Variants in SCN2A observed in about 807,000 individuals in gnomAD.
SCN2A encodes sodium voltage-gated channel alpha subunit 2, also known as sodium channel protein type 2 subunit alpha.
Under a neutral mutation model 188.7 loss-of-function variants are expected in SCN2A, and 20 were observed. That is an observed-to-expected ratio of 0.11 (90% CI 0.07 to 0.15). SCN2A has a LOEUF of 0.15. SCN2A is among the 10% of genes least tolerant of loss of function. The pLI is 1.00. For missense variants in SCN2A, 1,278 were observed against 2,445.0 expected (o/e 0.52, Z 10.07); for synonymous variants, 804 against 833.1 (o/e 0.97, Z 0.60).
intron 1 of SCN2A, among the ~76,000 whole-genome samples, chr2:165,258,476 C>T (rs1694427034): frequency 6.6e-6 from 1 of 152,192 alleles, no homozygotes; most frequent in African/African-American, 2.4e-5. Flanking sequence ...TGCTTATACA[C>T]TGTTGGTGGG....
At chr2:165,257,785 C>G (rs957803457) in intron 1 of SCN2A, among the ~76,000 whole-genome samples, 1 of 151,982 alleles carries the variant, frequency 6.6e-6, no homozygotes, top group African/African-American at 2.4e-5. Context: ...TGATCCACCC[C>G]CCTCGGCCTT....
intron 22 of SCN2A, among the ~76,000 whole-genome samples, chr2:165,376,146 A>T: frequency 6.6e-6 from 1 of 151,894 alleles, no homozygotes; most frequent in Non-Finnish European, 1.5e-5. Context: ...TATAGTTAAT[A>T]ATAATATATT....
chr2:165,325,477 T>G (rs888587128), intron 12 of SCN2A, among the ~76,000 whole-genome samples: 12 of 152,220 alleles, frequency 7.9e-5, no homozygotes, highest in African/African-American at 2.9e-4. Context: ...ATGACACCCT[T>G]GAAAGCACAT....
chr2:165,260,772 G>T (rs958209642), intron 1 of SCN2A, among the ~76,000 whole-genome samples: 1 of 151,860 alleles, frequency 6.6e-6, no homozygotes, highest in African/African-American at 2.4e-5. Context: ...TTCGAGACCA[G>T]TCTGGCCGAC....
intron 11 of SCN2A, among the ~76,000 whole-genome samples, chr2:165,316,428 T>C (rs933564656): frequency 6.6e-6 from 1 of 152,324 alleles, no homozygotes; most frequent in South Asian, 2.1e-4. Flanking sequence ...TTTGTACTCA[T>C]GCAAGTTGTT....
chr2:165,392,263 A>C lies in SCN2A; in HGVS notation c.*2439A>C, dbSNP rs895876160. On this transcript the variant is annotated 3_prime_UTR_variant, in exon 27 of 27. Coordinates refer to ENST00000375437, the MANE Select transcript of SCN2A (RefSeq NM_001040142.2). ...AAAAGCTAGATATGGCATCAGGTAGACTAGTGGAAAGTTACAAAAATTAAT... is the reference window on the plus strand; with the variant it reads ...AAAAGCTAGATATGGCATCAGGTAGCCTAGTGGAAAGTTACAAAAATTAAT... The C allele has an allele frequency of 8.5e-5, 13 of 152,520 alleles. No homozygotes were observed. The highest frequency in any genetic ancestry group is 3.2e-3 in the Middle Eastern group (1 of 316). The allele number at this position is 152,520 out of a possible 1,614,324, so 9.4% of individuals were successfully genotyped here.
At chr2:165,348,553 CAT>C (rs1373079949) in intron 16 of SCN2A, among the ~76,000 whole-genome samples, 5 of 151,984 alleles carry the variant, frequency 3.3e-5, no homozygotes, top group African/African-American at 1.2e-4. Context: ...TAACAAGAAA[CAT>C]AAACAGTGTA....
At chr2:165,318,144 C>T (rs1244002312) in intron 11 of SCN2A, among the ~76,000 whole-genome samples, 1 of 152,164 alleles carries the variant, frequency 6.6e-6, no homozygotes, top group South Asian at 2.1e-4. Flanking sequence ...TTTGTGATGA[C>T]ATGATTGTGT....
At chr2:165,335,768 G>A (rs1473537970) in intron 14 of SCN2A, among the ~76,000 whole-genome samples, 1 of 151,692 alleles carries the variant, frequency 6.6e-6, no homozygotes, top group East Asian at 1.9e-4. Flanking sequence ...ATCAAAATTA[G>A]AAACTTTCAT....
In SCN2A at chr2:165,311,835, T is replaced by A. The variant is rs919729029; in HGVS notation, c.971-190T>A. On this transcript the variant is annotated intron_variant, in intron 7 of 26. Transcript: ENST00000375437. Reference sequence around the variant, plus strand: ...TTTTTAACATAGATTTGCTAACCATTTGTATAATCAAAAATGTTATATATT... The same window carrying A: ...TTTTTAACATAGATTTGCTAACCATATGTATAATCAAAAATGTTATATATT... Among the ~76,000 whole-genome samples, 5 of 152,270 alleles carry A rather than the reference T, an allele frequency of 3.3e-5. No individual in the cohort carries two copies. The East Asian group carries it at 9.6e-4, about 29-fold the overall frequency.
At chr2:165,305,447 T>C (rs778648509) in intron 3 of SCN2A, among the ~76,000 whole-genome samples, 2 of 152,170 alleles carry the variant, frequency 1.3e-5, no homozygotes, top group Non-Finnish European at 2.9e-5. Context: ...GCAATGTTTG[T>C]TGATGGACTA....
chr2:165,266,134 TA>T (rs1382289180), intron 1 of SCN2A, among the ~76,000 whole-genome samples: 2 of 152,106 alleles, frequency 1.3e-5, no homozygotes, highest in African/African-American at 4.8e-5. Context: ...ACGGAAATAT[TA>T]ACATAATTTT....
At chr2:165,253,944 A>C (rs1694204190) in intron 1 of SCN2A, among the ~76,000 whole-genome samples, 2 of 151,802 alleles carry the variant, frequency 1.3e-5, no homozygotes, top group South Asian at 4.1e-4. Flanking sequence ...TTTCTAACTA[A>C]TGTTTACCCC....
rs745810335 is a variant in SCN2A, at chr2:165,389,800, A to G, written c.5994A>G (p.Lys1998=). 1.1e-5 allele frequency: 18 copies of G among 1,611,866 alleles called. 1 individual carries two copies. In the African/African-American group the frequency reaches 1.5e-4, roughly 13 times the overall value. ...AATCAGAAAAGGAAGACAAAGGGAA[A>G]GATATCAGGGAAAGTAAAAAGTAAA... ...KDKSEKEDKG[K]DIRESKK Residue 1998 remains lysine (K), a synonymous_variant, in exon 27 of 27, where the codon AAA becomes AAG. Transcript: ENST00000375437. This position sits in a 1 kb window ranked among gnomAD's most constrained non-coding sequence, Gnocchi z 4.2.
chr2:165,376,575 C>T (rs1574720768), intron 22 of SCN2A, among the ~76,000 whole-genome samples: 1 of 152,096 alleles, frequency 6.6e-6, no homozygotes, highest in East Asian at 1.9e-4. Flanking sequence ...TATTGTCTCC[C>T]TGACTATGCA....
intron 16 of SCN2A, among the ~76,000 whole-genome samples, chr2:165,348,629 G>A (rs957916691): frequency 1.3e-5 from 2 of 152,160 alleles, no homozygotes; most frequent in Non-Finnish European, 2.9e-5. Flanking sequence ...GTTTCTGTGG[G>A]TCAGGATTTG....
At chr2:165,378,271 C>G (rs1393451705) in intron 23 of SCN2A, among the ~76,000 whole-genome samples, 1 of 145,700 alleles carries the variant, frequency 6.9e-6, no homozygotes, top group East Asian at 2.0e-4. Flanking sequence ...TAATAAAGCT[C>G]AAAATGCTCT....
rs1432098565 is a variant in SCN2A, at chr2:165,310,526, G to A, written c.901G>A (p.Asp301Asn). 3 of 1,612,952 alleles carry A rather than the reference G, an allele frequency of 1.9e-6. No homozygotes were observed. The African/African-American group carries it at 4.0e-5, about 22-fold the overall frequency. ...NITSFFNNSL[D>N]GNGTTFNRTV... Reference sequence around the variant, plus strand: ...CACTTCCTTCTTTAACAATTCATTGGATGGGAATGGTACTACTTTCAATAG... The same window carrying A: ...CACTTCCTTCTTTAACAATTCATTGAATGGGAATGGTACTACTTTCAATAG... Residue 301 changes from aspartate to asparagine, a missense_variant, in exon 7 of 27, where the codon GAT becomes AAT. Around this residue, in one of 17 missense-constraint regions of SCN2A, gnomAD observed 45 missense variants for 58.1 expected, o/e 0.77. Transcript: ENST00000375437.
intron 1 of SCN2A, chr2:165,267,767 C>G (rs988157482): frequency 6.6e-6 from 1 of 151,590 alleles, no homozygotes; most frequent in African/African-American, 2.4e-5. Flanking sequence ...ATAATAATAA[C>G]CTGATTACAA....
Sources: gnomAD v4.1 joint callset for allele counts (sites outside exome capture counted in the v4.1 genomes callset) on GRCh38, gnomAD v4.1.1 for gene constraint, gnomAD v4.1.1 regional missense constraint, Gnocchi (gnomAD v3.1) non-coding constraint, MANE v1.5 for transcripts, NCBI Gene and HGNC (gene_info 2026-07-23, HGNC 2026-07-21) for gene names.